Variants in PCDH11Y observed in about 807,000 individuals in gnomAD.
PCDH11Y encodes protocadherin-11 Y-linked.
For synonymous variants in PCDH11Y, 9 were observed against 83.6 expected, an observed-to-expected ratio of 0.11 and a Z score of 4.87; for missense variants, 12 against 224.8, an observed-to-expected ratio of 0.05 and a Z score of 6.05.
At chrY:5,457,920 C>T in intron 2 of PCDH11Y, among the ~76,000 whole-genome samples, 1 of 32,827 alleles carries the variant, frequency 3.0e-5, no homozygotes, top group Non-Finnish European at 7.5e-5. Flanking sequence ...TATTTTTGGA[C>T]GTTCAATTAT....
At chrY:5,341,990 C>A (rs1234135626) in intron 2 of PCDH11Y, among the ~76,000 whole-genome samples, 124 of 31,379 alleles carry the variant, frequency 4.0e-3, no homozygotes, top group Non-Finnish European at 6.8e-3. Flanking sequence ...CATATTCACG[C>A]AAATACTCTC....
chrY:5,008,649 A>G, intron 1 of PCDH11Y, among the ~76,000 whole-genome samples: 1 of 32,783 alleles, frequency 3.1e-5, no homozygotes, highest in Non-Finnish European at 7.5e-5. Flanking sequence ...AAAGCAGTAG[A>G]CATCTAGGAC....
At chrY:5,367,485 C>T in intron 2 of PCDH11Y, among the ~76,000 whole-genome samples, 2 of 24,712 alleles carry the variant, frequency 8.1e-5, no homozygotes. Flanking sequence ...CCCGGGTTCA[C>T]GCCATTCTCC....
upstream of PCDH11Y, among the ~76,000 whole-genome samples, chrY:5,052,429 CA>C (rs191353793): frequency 2.4e-4 from 8 of 33,232 alleles, no homozygotes; most frequent in African/African-American, 9.3e-4. Flanking sequence ...ATTCTTCTGA[CA>C]AAGCATTTGA....
chrY:5,199,539 G>A, intron 2 of PCDH11Y, among the ~76,000 whole-genome samples: 1 of 32,306 alleles, frequency 3.1e-5, no homozygotes, highest in African/African-American at 1.2e-4. Flanking sequence ...CGCCTGCCTC[G>A]GCCTCCCAAA....
intron 2 of PCDH11Y, among the ~76,000 whole-genome samples, chrY:5,233,436 G>A: frequency 6.0e-5 from 2 of 33,112 alleles, no homozygotes; most frequent in African/African-American, 1.2e-4. Context: ...TTAGATATCA[G>A]GTGAACTTGA....
At chrY:5,732,882 G>A (rs2053606249) in intron 4 of PCDH11Y, among the ~76,000 whole-genome samples, 1 of 33,265 alleles carries the variant, frequency 3.0e-5, no homozygotes, top group Non-Finnish European at 7.4e-5. Context: ...ATCTGGCTAT[G>A]TTATTTCAAA....
intron 2 of PCDH11Y, among the ~76,000 whole-genome samples, chrY:5,145,989 C>T (rs2052856585): frequency 6.0e-5 from 2 of 33,307 alleles, no homozygotes; most frequent in South Asian, 1.4e-3. Flanking sequence ...GGAACTGGGG[C>T]CACACAGCAG....
chrY:5,424,468 G>A, intron 2 of PCDH11Y, among the ~76,000 whole-genome samples: 1 of 33,091 alleles, frequency 3.0e-5, no homozygotes, highest in Non-Finnish European at 7.4e-5. Context: ...TTTCCCCACC[G>A]TGTCCGGTAT....
chrY:5,520,881 A>G, intron 3 of PCDH11Y, among the ~76,000 whole-genome samples: 1 of 32,211 alleles, frequency 3.1e-5, no homozygotes, highest in Non-Finnish European at 7.5e-5. Flanking sequence ...TGATTAAACT[A>G]TTCATAAATG....
At chrY:5,486,686 TATATATATATATATATATACAC>T (rs1159871229) in intron 2 of PCDH11Y, among the ~76,000 whole-genome samples, 26 of 8,430 alleles carry the variant, frequency 3.1e-3, no homozygotes, top group South Asian at 6.6e-3. Context: ...TATATATATA[TATATATATATATATATATACAC>T]ATATATATAT....
chrY:5,435,407 T>G (rs1602925054), intron 2 of PCDH11Y, among the ~76,000 whole-genome samples: 9 of 27,091 alleles, frequency 3.3e-4, no homozygotes, highest in South Asian at 1.8e-3. Flanking sequence ...TCCGCCACCC[T>G]GGTTCACGCC....
intron 4 of PCDH11Y, among the ~76,000 whole-genome samples, chrY:5,730,364 G>C: frequency 3.2e-5 from 1 of 31,242 alleles, no homozygotes; most frequent in Non-Finnish European, 7.8e-5. Flanking sequence ...TTTATTCCTA[G>C]CTTTTTTTTT....
chrY:5,472,004 A>G (rs2053314395), intron 2 of PCDH11Y, among the ~76,000 whole-genome samples: 1 of 32,262 alleles, frequency 3.1e-5, no homozygotes, highest in African/African-American at 1.2e-4. Context: ...TAAATTTGAT[A>G]TGCATAACTC....
At chrY:5,069,570 T>C in intron 1 of PCDH11Y, among the ~76,000 whole-genome samples, 4 of 32,829 alleles carry the variant, frequency 1.2e-4, no homozygotes, top group Non-Finnish European at 2.2e-4. Flanking sequence ...AGGTTTTAGA[T>C]TGTAGAGCCA....
chrY:5,565,944 A>G (rs1602944108), intron 3 of PCDH11Y, among the ~76,000 whole-genome samples: 27 of 21,965 alleles, frequency 1.2e-3, no homozygotes, highest in African/African-American at 1.7e-3. Flanking sequence ...GTGTGTGTGT[A>G]TATATATATA....
Position 5,041,074 on chromosome Y carries a change from T to C in PCDH11Y, c.32+8346T>C, listed in dbSNP as rs1602842862. ...GAATCTCCAGCAAGCATCTTTTTTT[T>C]TTTTCCTTTCTTTTTTTCATTTTTA... On this transcript the variant is annotated intron_variant, in intron 3 of 5. Coordinates refer to the PCDH11Y transcript ENST00000333703. Among the ~76,000 whole-genome samples, 4 of 28,192 alleles carry C rather than the reference T, an allele frequency of 1.4e-4. No individual in the cohort carries two copies. In the East Asian group the frequency reaches 3.6e-3, roughly 25 times the overall value. The allele number at this position is 28,192 out of a possible 37,273, so 75.6% of individuals were successfully genotyped here. A position where few individuals can be genotyped will look rare whatever the true frequency, so the allele number is the denominator to read the frequency against.
intron 2 of PCDH11Y, among the ~76,000 whole-genome samples, chrY:5,238,124 C>A (rs1602891143): frequency 3.0e-5 from 1 of 33,231 alleles, no homozygotes; most frequent in Admixed American, 2.8e-4. Flanking sequence ...AGTCAATCCT[C>A]AGCCAAAAGA....
intron 2 of PCDH11Y, among the ~76,000 whole-genome samples, chrY:5,236,127 T>C: frequency 3.0e-5 from 1 of 33,134 alleles, no homozygotes; most frequent in Non-Finnish European, 7.4e-5. Context: ...ACAAGAAGTA[T>C]AGAAAAGAAT....
Sources: allele counts gnomAD v4.1 joint callset (sites outside exome capture counted in the v4.1 genomes callset), GRCh38; gene constraint gnomAD v4.1.1; transcripts MANE v1.5; gene names NCBI Gene and HGNC (gene_info 2026-07-23, HGNC 2026-07-21).